The following RBFOX1 variants were observed in gnomAD, a reference collection of about 807,000 sequenced individuals.
RBFOX1 encodes the protein RNA binding fox-1 homolog 1.
A neutral mutation model predicts 57.7 loss-of-function variants in RBFOX1; 8 were observed. That is an observed-to-expected ratio of 0.14 (90% CI 0.08 to 0.25). RBFOX1 has a LOEUF of 0.25. RBFOX1 is among the 10% of genes least tolerant of loss of function. RBFOX1 has a pLI of 1.00. For missense variants in RBFOX1, 611 were observed against 548.5 expected (o/e 1.11, Z -1.14); for synonymous variants, 326 against 222.4 (o/e 1.47, Z -4.15).
chr16:5,301,675 G>A (rs949996372), intron 1 of RBFOX1, among the ~76,000 whole-genome samples: 1 of 149,206 alleles, frequency 6.7e-6, no homozygotes, highest in South Asian at 2.1e-4. Context: ...GATACACAGA[G>A]CTCCATCTCC....
chr16:5,343,185 A>G (rs1332371956), intron 1 of RBFOX1, among the ~76,000 whole-genome samples: 1 of 152,216 alleles, frequency 6.6e-6, no homozygotes, highest in African/African-American at 2.4e-5. Flanking sequence ...GATGGGAGAC[A>G]AAGATAGAGT....
intron 3 of RBFOX1, among the ~76,000 whole-genome samples, chr16:6,895,360 A>G (rs1290785675): frequency 1.3e-5 from 2 of 150,044 alleles, no homozygotes; most frequent in African/African-American, 4.9e-5. Flanking sequence ...CTAAGCAGAT[A>G]GGAGAACTAA....
At chr16:6,510,268 A>G (rs1034241337) in intron 2 of RBFOX1, among the ~76,000 whole-genome samples, 6 of 152,162 alleles carry the variant, frequency 3.9e-5, no homozygotes, top group Admixed American at 1.3e-4. Flanking sequence ...GGATTCTGCA[A>G]GCATCTCTGA....
intron 6 of RBFOX1, among the ~76,000 whole-genome samples, chr16:7,581,332 C>T (rs1343242235): frequency 1.3e-5 from 2 of 152,066 alleles, no homozygotes; most frequent in Non-Finnish European, 2.9e-5. Context: ...AAGTGAGAGT[C>T]GAGGTTAAGT....
intron 3 of RBFOX1, among the ~76,000 whole-genome samples, chr16:6,896,258 C>G (rs1360464296): frequency 1.3e-5 from 2 of 152,134 alleles, no homozygotes; most frequent in Non-Finnish European, 2.9e-5. Context: ...TTGAGACTGT[C>G]TCAAAACAAA....
intron 2 of RBFOX1, among the ~76,000 whole-genome samples, chr16:6,536,128 G>C (rs1006558371): frequency 6.6e-6 from 1 of 152,160 alleles, no homozygotes; most frequent in Non-Finnish European, 1.5e-5. Context: ...ATACCCAGGT[G>C]ATTTACACAA....
chr16:6,755,302 A>C (rs1056415314), intron 3 of RBFOX1, among the ~76,000 whole-genome samples: 1 of 152,188 alleles, frequency 6.6e-6, no homozygotes, highest in Non-Finnish European at 1.5e-5. Context: ...TGGTTGAACT[A>C]GTTTACAGTC....
intron 3 of RBFOX1, among the ~76,000 whole-genome samples, chr16:6,924,446 A>T (rs1039356495): frequency 6.6e-6 from 1 of 152,020 alleles, no homozygotes; most frequent in African/African-American, 2.4e-5. Context: ...ACTCATCACT[A>T]AGGGGATGGC....
At chr16:6,865,082 A>G (rs2059689966) in intron 3 of RBFOX1, among the ~76,000 whole-genome samples, 1 of 133,248 alleles carries the variant, frequency 7.5e-6, no homozygotes, top group Non-Finnish European at 1.5e-5. Context: ...GGCTCACTGC[A>G]ACCTCCGCCT....
intron 4 of RBFOX1, among the ~76,000 whole-genome samples, chr16:7,335,376 A>G (rs1438397424): frequency 6.6e-6 from 1 of 152,178 alleles, no homozygotes; most frequent in Non-Finnish European, 1.5e-5. Flanking sequence ...GTACTCCATC[A>G]CTGGGAGTAA....
At chr16:5,278,691 G>T (rs1425872144) in intron 1 of RBFOX1, among the ~76,000 whole-genome samples, 1 of 152,142 alleles carries the variant, frequency 6.6e-6, no homozygotes, top group Non-Finnish European at 1.5e-5. Flanking sequence ...AGTTTCTCCT[G>T]TGTTTACTTC....
chr16:6,093,759 C>G (rs2096208997), intron 1 of RBFOX1, among the ~76,000 whole-genome samples: 1 of 151,918 alleles, frequency 6.6e-6, no homozygotes, highest in South Asian at 2.1e-4. Context: ...ATAGCTGGGA[C>G]CACAGGTGCA....
At chr16:6,032,388 T>A (rs924871893) in intron 1 of RBFOX1, among the ~76,000 whole-genome samples, 4 of 140,690 alleles carry the variant, frequency 2.8e-5, no homozygotes, top group East Asian at 4.2e-4. Context: ...ATTAAAAAAA[T>A]ATACAATTAT....
intron 3 of RBFOX1, among the ~76,000 whole-genome samples, chr16:6,894,132 G>C (rs1359331437): frequency 6.6e-6 from 1 of 152,190 alleles, no homozygotes; most frequent in East Asian, 1.9e-4. Flanking sequence ...ATTATGGACA[G>C]AGATAGAATG....
In RBFOX1 at chr16:7,370,421, A is replaced by C. The variant is rs185148775; in HGVS notation, c.28-147726A>C. ...CCTGTAACTGATTCTGAATTTTCCA[A>C]TTATATCTGCCAGGAATCACTGTAT... On this transcript the variant is annotated intron_variant, in intron 4 of 15. Transcript: ENST00000550418. 2.6e-5 allele frequency among the ~76,000 whole-genome samples: 4 copies of C among 152,218 alleles called. No homozygotes were observed. In the East Asian group the frequency reaches 5.8e-4, roughly 22 times the overall value.
chr16:6,780,350 C>T lies in RBFOX1; in HGVS notation c.-16+125700C>T, dbSNP rs1313617933. Among the ~76,000 whole-genome samples, 452 of 81,940 alleles carry T rather than the reference C, an allele frequency of 5.5e-3. 23 individuals carry two copies. The highest frequency in any genetic ancestry group is 6.4e-3 in the East Asian group (12 of 1,876). The allele number at this position is 81,940 out of a possible 152,430, so 53.8% of individuals were successfully genotyped here. ...ATATATATTTATACATATTTATATA[C>T]ATATTTATATACATATTTATAGATA... On this transcript the variant is annotated intron_variant, in intron 3 of 15. Coordinates refer to ENST00000550418, the MANE Select transcript of RBFOX1 (RefSeq NM_018723.4).
At position 7,710,797 on chromosome 16, in the gene RBFOX1, G is replaced by A. The variant is rs2083892716; in HGVS notation, c.*52G>A. The A allele has an allele frequency of 1.4e-6, 2 of 1,445,040 alleles. No individual in the cohort carries two copies. The highest frequency in any genetic ancestry group is 1.5e-5 in the African/African-American group (1 of 67,828). 89.5% of individuals were successfully genotyped at this position (1,445,040 alleles called of 1,614,324 possible). On this transcript the variant is annotated 3_prime_UTR_variant, in exon 16 of 16. Coordinates refer to ENST00000550418, the MANE Select transcript of RBFOX1 (RefSeq NM_018723.4). ...TGTGGGGAGAAAGGAAGCTTTCCGA[G>A]GCCTGAGTATTGCAATACATGCAGT...
intron 14 of RBFOX1, among the ~76,000 whole-genome samples, chr16:7,694,414 G>A (rs2078147356): frequency 6.6e-6 from 1 of 152,206 alleles, no homozygotes; most frequent in African/African-American, 2.4e-5. Context: ...CAGAGAGCTA[G>A]GAACATGCAC....
intron 4 of RBFOX1, among the ~76,000 whole-genome samples, chr16:7,087,552 G>A (rs1027720172): frequency 7.0e-6 from 1 of 141,994 alleles, no homozygotes; most frequent in Non-Finnish European, 1.5e-5. Context: ...GAAGGGAAAA[G>A]AGAGAGAGAG....
Sources: gnomAD v4.1 joint callset for allele counts (sites outside exome capture counted in the v4.1 genomes callset) on GRCh38, gnomAD v4.1.1 for gene constraint, MANE v1.5 for transcripts, NCBI Gene and HGNC (gene_info 2026-07-23, HGNC 2026-07-21) for gene names.